Variants in CD1A observed in about 807,000 individuals in gnomAD.
CD1A encodes CD1a molecule, also known as T-cell surface glycoprotein CD1a.
Under a neutral mutation model 38.3 loss-of-function variants are expected in CD1A, and 50 were observed. The observed-to-expected ratio is 1.30, with a 90% CI of 1.04 to 1.65. The LOEUF is 1.65. Ranked by LOEUF, CD1A falls within the 40% of genes most tolerant of loss-of-function variation. The pLI, the probability that CD1A is intolerant of heterozygous loss-of-function variation, is 0.00. For synonymous variants in CD1A, 160 were observed against 150.8 expected (o/e 1.06, Z -0.45); for missense variants, 459 against 406.1 (o/e 1.13, Z -1.12).
chr1:158,255,430 A>C, intron 2 of CD1A, 80 bp downstream of exon 2: 1 of 1,404,480 alleles, frequency 7.1e-7, no homozygotes, highest in East Asian at 2.3e-5. Flanking sequence ...TTTAGGAAAC[A>C]GCCTGACTCT....
chr1:158,249,534 T>C (rs777192871), upstream of CD1A, among the ~76,000 whole-genome samples: 26 of 152,076 alleles, frequency 1.7e-4, no homozygotes, highest in Admixed American at 3.3e-4. Context: ...TAACATAACA[T>C]TGGGGGTTAG....
At chr1:158,256,712 A>G (rs1418805123) in intron 3 of CD1A, 74 bp from the exon 4 acceptor site, 3 of 1,513,332 alleles carry the variant, frequency 2.0e-6, no homozygotes, top group East Asian at 4.5e-5. Context: ...CAATGTGTCT[A>G]TCTAAACTTC....
chr1:158,250,245 T>C (rs1057004939), upstream of CD1A, among the ~76,000 whole-genome samples: 56 of 152,198 alleles, frequency 3.7e-4, no homozygotes, highest in African/African-American at 1.3e-3. Flanking sequence ...GCCCCAGACA[T>C]TGGGGAGCAG....
In CD1A at chr1:158,255,159, T is replaced by C; in HGVS notation, c.134T>C (p.Val45Ala). Residue 45 changes from valine (V) to alanine (A), a missense_variant, in exon 2 of 6, where the codon GTC (valine) becomes GCC (alanine). Physicochemically the swap from Val to Ala is moderately conservative, Grantham distance 64. Coordinates refer to ENST00000289429, the MANE Select transcript of CD1A (RefSeq NM_001763.3). ...AACCATTCCTGGAAACAAAATCTGG[T>C]CTCAGGTTGGCTGAGTGATTTGCAG... ...FYNHSWKQNLVSGWLSDLQTH... is the reference protein window; with the variant it reads ...FYNHSWKQNLASGWLSDLQTH... 1 of 1,614,116 alleles carries C rather than the reference T, an allele frequency of 6.2e-7. No individual in the cohort carries two copies.
In CD1A at chr1:158,256,852, A is replaced by G. The variant is rs1650273036; in HGVS notation, c.671A>G (p.His224Arg). The part of the protein sequence containing the change: ...PGPGHLQLVC[H>R]VSGFYPKPVW... ...CCTGGCCATCTGCAGCTTGTGTGCC[A>G]TGTCTCAGGATTCTACCCAAAGCCC... is the stretch of plus-strand genomic sequence containing the variant. The change falls in exon 4 of 6, where the codon CAT becomes CGT. Residue 224 changes from histidine (H) to arginine (R), a missense_variant. Coordinates refer to ENST00000289429, the MANE Select transcript of CD1A (RefSeq NM_001763.3). 6.2e-7 allele frequency: 1 copy of G among 1,614,232 alleles called. No homozygotes were observed. The highest frequency in any genetic ancestry group is 8.5e-7 in the Non-Finnish European group (1 of 1,180,052).
Position 158,256,053 on chromosome 1 carries a change from G to A in CD1A, c.375G>A (p.Lys125=), listed in dbSNP as rs779894806. The change falls in exon 3 of 6, where the codon AAG becomes AAA. Residue 125 remains lysine, a synonymous_variant. Transcript: ENST00000289429. The stretch of plus-strand genomic sequence containing the variant: ...GAGGCTGTGAGCTGCACTCTGGAAA[G>A]GTCTCAGGAAGCTTCTTGCAGTTAG... ...VTGGCELHSG[K]VSGSFLQLAY... 11 of 1,614,130 alleles carry A rather than the reference G, an allele frequency of 6.8e-6. No homozygotes were observed. The highest frequency in any genetic ancestry group is 9.3e-6 in the Non-Finnish European group (11 of 1,180,016).
Position 158,255,237 on chromosome 1 carries a change from C to T in CD1A, c.212C>T (p.Ser71Phe). The T allele has an allele frequency of 6.2e-7, 1 of 1,614,054 alleles. No homozygotes were observed. Among genetic ancestry groups the T allele is most frequent in the Non-Finnish European group, 8.5e-7 (1 of 1,180,012 alleles). ...ACCATCGTTTTCCTGTGCCCCTGGTCCAGGGGAAACTTCAGCAATGAGGAG... is the reference window on the plus strand; with the variant it reads ...ACCATCGTTTTCCTGTGCCCCTGGTTCAGGGGAAACTTCAGCAATGAGGAG... Reference protein sequence around the residue: ...SSTIVFLCPWSRGNFSNEEWK... With the variant: ...SSTIVFLCPWFRGNFSNEEWK... Residue 71 changes from serine to phenylalanine, a missense_variant, in exon 2 of 6, where the codon TCC becomes TTC. Ser to Phe is a radical substitution (Grantham distance 155, BLOSUM62 -2). Coordinates refer to ENST00000289429, the MANE Select transcript of CD1A (RefSeq NM_001763.3).
rs368883621 is a variant in CD1A, at chr1:158,257,983, A to T, written c.*293A>T. On this transcript the variant is annotated 3_prime_UTR_variant, in exon 6 of 6. Transcript: ENST00000289429. The stretch of plus-strand genomic sequence containing the variant: ...CCACATGTTCAACTATTAATGGATC[A>T]TCAGGCCTGTTTTAGATATCCCTTA... 544 of 384,640 alleles carry T rather than the reference A, an allele frequency of 1.4e-3. 12 individuals carry two copies. The South Asian group carries it at 0.02, about 14-fold the overall frequency. 23.8% of individuals were successfully genotyped at this position (384,640 alleles called of 1,614,324 possible).
upstream of CD1A, among the ~76,000 whole-genome samples, chr1:158,253,649 G>T (rs559663868): frequency 1.3e-4 from 20 of 152,270 alleles, no homozygotes; most frequent in East Asian, 3.9e-3. Flanking sequence ...TACTCTGTTA[G>T]GTGGGGATAC....
chr1:158,256,172 T>C lies in CD1A; in HGVS notation c.494T>C (p.Leu165Pro), dbSNP rs140353499. ...GNMAKHFCKV[L>P]NQNQHENDIT... ...ATGGCCAAGCATTTCTGCAAAGTGC[T>C]CAATCAGAATCAGCATGAAAATGAC... Residue 165 changes from leucine (L) to proline (P), a missense_variant, in exon 3 of 6, where the codon CTC (leucine) becomes CCC (proline). Coordinates refer to ENST00000289429, the MANE Select transcript of CD1A (RefSeq NM_001763.3). 3 of 1,614,162 alleles carry C rather than the reference T, an allele frequency of 1.9e-6. No individual in the cohort carries two copies. Among genetic ancestry groups the C allele is most frequent in the East Asian group, 4.5e-5 (2 of 44,884 alleles).
chr1:158,253,107 AT>A (rs952383461), upstream of CD1A, among the ~76,000 whole-genome samples: 21 of 151,970 alleles, frequency 1.4e-4, no homozygotes, highest in African/African-American at 3.9e-4. Flanking sequence ...AAGAAAAAAA[AT>A]TTTTTCCCCC....
chr1:158,248,632 G>A, the CD1A span, among the ~76,000 whole-genome samples: 7 of 152,138 alleles, frequency 4.6e-5, no homozygotes, highest in Non-Finnish European at 8.8e-5. Flanking sequence ...AATTATCAGT[G>A]ATTAGTGATA....
At position 158,256,951 on chromosome 1, in the gene CD1A, A is replaced by C. The variant is rs373354671; in HGVS notation, c.770A>C (p.Asp257Ala). 3 of 1,614,166 alleles carry C rather than the reference A, an allele frequency of 1.9e-6. No homozygotes were observed. Among genetic ancestry groups the C allele is most frequent in the South Asian group, 1.1e-5 (1 of 91,082 alleles). The change falls in exon 4 of 6, where the codon GAT becomes GCT. Residue 257 changes from aspartate (D) to alanine (A), a missense_variant. By Grantham distance (126) the Asp-to-Ala change is moderately radical. Transcript: ENST00000289429. ...TQRGDILPSA[D>A]GTWYLRATLE... ...CGAGGGGACATCTTGCCCAGTGCTG[A>C]TGGGACATGGTATCTCCGCGCAACC...
chr1:158,256,076 T>C lies in CD1A; in HGVS notation c.398T>C (p.Leu133Ser), dbSNP rs770962758. 1.2e-6 allele frequency: 2 copies of C among 1,614,154 alleles called. No individual in the cohort carries two copies. Among genetic ancestry groups the C allele is most frequent in the Admixed American group, 1.7e-5 (1 of 60,026 alleles). The change falls in exon 3 of 6, where the codon TTA becomes TCA. Residue 133 changes from leucine (L) to serine (S), a missense_variant. Coordinates refer to ENST00000289429, the MANE Select transcript of CD1A (RefSeq NM_001763.3). Reference sequence around the variant, plus strand: ...AAGGTCTCAGGAAGCTTCTTGCAGTTAGCTTATCAAGGATCAGACTTTGTG... The same window carrying C: ...AAGGTCTCAGGAAGCTTCTTGCAGTCAGCTTATCAAGGATCAGACTTTGTG... The part of the protein sequence containing the change: ...SGKVSGSFLQ[L>S]AYQGSDFVSF...
chr1:158,254,030 GGTTTTTTT>G (rs1650153382), upstream of CD1A: 8 of 45,794 alleles, frequency 1.7e-4, no homozygotes, highest in African/African-American at 6.8e-4. Context: ...GTGTTCCTGT[GGTTTTTTT>G]TTTTTTTTTT....
chr1:158,257,510 TGG>T lies in CD1A; in HGVS notation c.974_974+1del, dbSNP rs1650301908. 3.7e-6 allele frequency: 6 copies of T among 1,612,744 alleles called. No individual in the cohort carries two copies. The highest frequency in any genetic ancestry group is 5.1e-6 in the Non-Finnish European group (6 of 1,178,828). On this transcript the variant is annotated splice_donor_variant and coding_sequence_variant, in exon 5 of 6. Transcript: ENST00000289429. LOFTEE classifies it high-confidence loss of function. ...TCTTGCGCTTTGGTTCAGGAAACGCTGGTGAGTTCTTTGCATGTGTCTTTCCT... is the reference window on the plus strand; with the variant it reads ...TCTTGCGCTTTGGTTCAGGAAACGCTTGAGTTCTTTGCATGTGTCTTTCCT...
At chr1:158,248,746 C>A in the CD1A span, among the ~76,000 whole-genome samples, 3 of 152,176 alleles carry the variant, frequency 2.0e-5, no homozygotes, top group Admixed American at 2.0e-4. Context: ...TCTTTCTCAG[C>A]CCCCACCCCC....
chr1:158,257,988 G>T lies in CD1A; in HGVS notation c.*298G>T, dbSNP rs1377470117. 2 of 365,794 alleles carry T rather than the reference G, an allele frequency of 5.5e-6. No individual in the cohort carries two copies. The highest frequency in any genetic ancestry group is 1.0e-5 in the Non-Finnish European group (2 of 200,652). The allele number at this position is 365,794 out of a possible 1,614,324, so 22.7% of individuals were successfully genotyped here. A position where few individuals can be genotyped will look rare whatever the true frequency, so the allele number is the denominator to read the frequency against. On this transcript the variant is annotated 3_prime_UTR_variant, in exon 6 of 6. Transcript: ENST00000289429. ...TGTTCAACTATTAATGGATCATCAG[G>T]CCTGTTTTAGATATCCCTTACTCCA...
chr1:158,251,894 T>A (rs925555926), upstream of CD1A, among the ~76,000 whole-genome samples: 6 of 151,942 alleles, frequency 3.9e-5, no homozygotes, highest in Non-Finnish European at 1.5e-5. Flanking sequence ...TATTGCTCTG[T>A]CACCCAGGCT....
Sources: gnomAD v4.1 joint callset for allele counts (sites outside exome capture counted in the v4.1 genomes callset) on GRCh38, gnomAD v4.1.1 for gene constraint, MANE v1.5 for transcripts, NCBI Gene and HGNC (gene_info 2026-07-23, HGNC 2026-07-21) for gene names.